Variants in ZSCAN1 observed in about 807,000 individuals in gnomAD.
ZSCAN1 encodes zinc finger and SCAN domain containing 1.
Under a neutral mutation model 23.8 loss-of-function variants are expected in ZSCAN1, and 23 were observed. That is an observed-to-expected ratio of 0.97 (90% CI 0.70 to 1.37). The LOEUF (loss-of-function observed/expected upper bound fraction) is 1.37. ZSCAN1 is among the 40% of genes most tolerant of loss of function. ZSCAN1 has a pLI of 0.00. For missense variants in ZSCAN1, 575 were observed against 554.0 expected, an observed-to-expected ratio of 1.04 and a Z score of -0.38; for synonymous variants, 236 against 232.3, an observed-to-expected ratio of 1.02 and a Z score of -0.15.
At position 58,040,656 on chromosome 19, in the gene ZSCAN1, C is replaced by T. The variant is rs1211316048; in HGVS notation, c.465+112C>T. 3 of 1,080,550 alleles carry T rather than the reference C, an allele frequency of 2.8e-6. No individual in the cohort carries two copies. In the African/African-American group the frequency reaches 4.7e-5, roughly 17 times the overall value. 66.9% of individuals were successfully genotyped at this position (1,080,550 alleles called of 1,614,324 possible). A position where few individuals can be genotyped will look rare whatever the true frequency, so the allele number is the denominator to read the frequency against. On this transcript the variant is annotated intron_variant, in intron 4 of 5. Coordinates refer to ENST00000282326, the MANE Select transcript of ZSCAN1 (RefSeq NM_182572.4). The surrounding 1 kb of genome is among the most constrained non-coding windows in gnomAD (Gnocchi z 5.8). ...GGACTGTGTGAGGTTGTCCCCAGCG[C>T]TCCCAGGAAGCCCGGCCTCCAAACT...
At chr19:58,044,810 T>A in intron 4 of ZSCAN1, 2 of 733,312 alleles carry the variant, frequency 2.7e-6, no homozygotes, top group Non-Finnish European at 5.0e-6. Flanking sequence ...TGTTGGACTC[T>A]GAGGCCCGAG....
Position 58,054,067 on chromosome 19 carries a change from C to T in ZSCAN1, c.*16C>T, listed in dbSNP as rs1599911128. The T allele has an allele frequency of 8.8e-6, 13 of 1,476,592 alleles. No homozygotes were observed. Among genetic ancestry groups the T allele is most frequent in the African/African-American group, 8.4e-5 (6 of 71,046 alleles). 91.5% of individuals were successfully genotyped at this position (1,476,592 alleles called of 1,614,324 possible). On this transcript the variant is annotated 3_prime_UTR_variant, in exon 6 of 6. Coordinates refer to ENST00000282326, the MANE Select transcript of ZSCAN1 (RefSeq NM_182572.4). This position sits in a 1 kb window ranked among gnomAD's most constrained non-coding sequence, Gnocchi z 4.2. ...CCACATGTGAATGGCCAGCCTCGGG[C>T]CTCGGCCACCCGGCCCTGAGTCCCT...
At position 58,045,976 on chromosome 19, in the gene ZSCAN1, G is replaced by C; in HGVS notation, c.465+5432G>C. The C allele has an allele frequency of 2.7e-6, 2 of 744,314 alleles. No homozygotes were observed. Among genetic ancestry groups the C allele is most frequent in the South Asian group, 3.2e-5 (2 of 62,738 alleles). 46.1% of individuals were successfully genotyped at this position (744,314 alleles called of 1,614,324 possible). A position where few individuals can be genotyped will look rare whatever the true frequency, so the allele number is the denominator to read the frequency against. On this transcript the variant is annotated intron_variant, in intron 4 of 5. Coordinates refer to ENST00000282326, the MANE Select transcript of ZSCAN1 (RefSeq NM_182572.4). This position sits in a 1 kb window ranked among gnomAD's most constrained non-coding sequence, Gnocchi z 4.3. Reference sequence around the variant, plus strand: ...GGCCAAGCTAGAGGCCACACTGCAGGAGAAGGCGACCATGCAGTAGGAGCA... The same window carrying C: ...GGCCAAGCTAGAGGCCACACTGCAGCAGAAGGCGACCATGCAGTAGGAGCA...
rs1357102501 is a variant in ZSCAN1, at chr19:58,047,056, G to A, written c.466-5434G>A. On this transcript the variant is annotated intron_variant, in intron 4 of 5. Coordinates refer to ENST00000282326, the MANE Select transcript of ZSCAN1 (RefSeq NM_182572.4). This position sits in a 1 kb window ranked among gnomAD's most constrained non-coding sequence, Gnocchi z 4.9. ...CCAAGGCAGGAAGGTGCCCCCCTGTGTGTGGCCTCACGTCTCAGTGTCTGA... is the reference window on the plus strand; with the variant it reads ...CCAAGGCAGGAAGGTGCCCCCCTGTATGTGGCCTCACGTCTCAGTGTCTGA... 6.6e-6 allele frequency among the ~76,000 whole-genome samples: 1 copy of A among 152,222 alleles called. No homozygotes were observed. The highest frequency in any genetic ancestry group is 1.9e-4 in the East Asian group (1 of 5,194).
chr19:58,047,843 G>A lies in ZSCAN1; in HGVS notation c.466-4647G>A, dbSNP rs1190243311. ...TTAGGGTTTACCCTGTGCCCTCTGG[G>A]TGGGGTGGCCTCCCTGCACTCGGCA... On this transcript the variant is annotated intron_variant, in intron 4 of 5. Transcript: ENST00000282326. The surrounding 1 kb of genome is among the most constrained non-coding windows in gnomAD (Gnocchi z 4.9). Among the ~76,000 whole-genome samples the A allele has an allele frequency of 6.6e-6, 1 of 152,220 alleles. No individual in the cohort carries two copies. Among genetic ancestry groups the A allele is most frequent in the African/African-American group, 2.4e-5 (1 of 41,464 alleles).
intron 4 of ZSCAN1, 26 bp from the exon 5 acceptor site, chr19:58,052,464 G>A (rs1389516995): frequency 9.3e-6 from 15 of 1,613,698 alleles, no homozygotes; most frequent in Middle Eastern, 1.7e-4. Flanking sequence ...GGCAGCTGCC[G>A]AACAGTCCTG....
intron 2 of ZSCAN1, among the ~76,000 whole-genome samples, chr19:58,036,987 A>G (rs2073742123): frequency 6.6e-6 from 1 of 152,090 alleles, no homozygotes. Context: ...CCCGGCCACA[A>G]AAGGTTATTT....
downstream of ZSCAN1, among the ~76,000 whole-genome samples, chr19:58,055,909 C>T (rs2073887265): frequency 6.6e-6 from 1 of 152,186 alleles, no homozygotes; most frequent in African/African-American, 2.4e-5. Context: ...AACTCATCTT[C>T]CCTTGTGCAA....
intron 4 of ZSCAN1, chr19:58,044,652 G>C: frequency 1.0e-6 from 1 of 953,152 alleles, no homozygotes. Context: ...CCGCCGCCTC[G>C]GGTCACCGCC....
At chr19:58,041,676 G>A (rs1473827960) in intron 4 of ZSCAN1, among the ~76,000 whole-genome samples, 2 of 151,560 alleles carry the variant, frequency 1.3e-5, no homozygotes, top group East Asian at 1.9e-4. Flanking sequence ...GGTCCCAGGA[G>A]TTCAAGAGCA....
rs896369530 is a variant in ZSCAN1 at position 58,045,797 on chromosome 19, C to T, written c.465+5253C>T. 1.3e-6 allele frequency: 2 copies of T among 1,559,468 alleles called. No homozygotes were observed. Among genetic ancestry groups the T allele is most frequent in the African/African-American group, 2.7e-5 (2 of 73,820 alleles). On this transcript the variant is annotated intron_variant, in intron 4 of 5. Transcript: ENST00000282326. The surrounding 1 kb of genome is among the most constrained non-coding windows in gnomAD (Gnocchi z 4.3). ...GACCTGCACCTGCATCAGGAGATCCCCACATCGCTGCTCATCCTGTCCCGG... is the reference window on the plus strand; with the variant it reads ...GACCTGCACCTGCATCAGGAGATCCTCACATCGCTGCTCATCCTGTCCCGG...
Position 58,037,861 on chromosome 19 carries a change from G to A in ZSCAN1, c.25G>A (p.Ala9Thr), listed in dbSNP as rs771492063. The change falls in exon 3 of 6, where the codon GCC becomes ACC. Residue 9 changes from alanine (A) to threonine (T), a missense_variant. By Grantham distance (58) the Ala-to-Thr change is moderately conservative (BLOSUM62 0). Transcript: ENST00000282326. MLPRPKAP[A>T]SPRRPQTPTP... ...AATGCTTCCACGGCCCAAAGCCCCT[G>A]CCTCCCCCAGACGCCCCCAGACCCC... The A allele has an allele frequency of 3.7e-5, 56 of 1,514,720 alleles. No homozygotes were observed. The highest frequency in any genetic ancestry group is 4.9e-5 in the Non-Finnish European group (56 of 1,133,880). 93.8% of individuals were successfully genotyped at this position (1,514,720 alleles called of 1,614,324 possible).
In ZSCAN1 at chr19:58,049,899, T is replaced by G. The variant is rs1347672706; in HGVS notation, c.466-2591T>G. Among the ~76,000 whole-genome samples the G allele has an allele frequency of 1.3e-5, 2 of 152,182 alleles. No individual in the cohort carries two copies. Among genetic ancestry groups the G allele is most frequent in the Non-Finnish European group, 2.9e-5 (2 of 68,026 alleles). ...TATCTCACCGGTGAGCTTTTTCTTGTGGGCATTCTCGGGTTTTTTCACTTT... is the reference window on the plus strand; with the variant it reads ...TATCTCACCGGTGAGCTTTTTCTTGGGGGCATTCTCGGGTTTTTTCACTTT... On this transcript the variant is annotated intron_variant, in intron 4 of 5. Coordinates refer to ENST00000282326, the MANE Select transcript of ZSCAN1 (RefSeq NM_182572.4). The surrounding 1 kb of genome is among the most constrained non-coding windows in gnomAD (Gnocchi z 4.5).
At chr19:58,034,983 G>A (rs1479990947) in intron 1 of ZSCAN1, among the ~76,000 whole-genome samples, 2 of 151,766 alleles carry the variant, frequency 1.3e-5, no homozygotes, top group South Asian at 2.1e-4. Flanking sequence ...CGGCATCAGC[G>A]GCAAAGCCCT....
chr19:58,045,696 GGCA>G lies in ZSCAN1; in HGVS notation c.465+5153_465+5155del. ...GCCTGAACGTCAAGGAGCTGCAGGC[GGCA>G]TGTCGGGCACGAGGCATGCGGGCCC... On this transcript the variant is annotated intron_variant, in intron 4 of 5. Transcript: ENST00000282326. The surrounding 1 kb of genome is among the most constrained non-coding windows in gnomAD (Gnocchi z 4.3). 1.1e-6 allele frequency: 1 copy of G among 941,582 alleles called. No individual in the cohort carries two copies. Among genetic ancestry groups the G allele is most frequent in the Non-Finnish European group, 1.7e-6 (1 of 571,436 alleles). The allele number at this position is 941,582 out of a possible 1,614,324, so 58.3% of individuals were successfully genotyped here. A position where few individuals can be genotyped will look rare whatever the true frequency, so the allele number is the denominator to read the frequency against.
chr19:58,046,080 G>T, intron 4 of ZSCAN1: 3 of 682,474 alleles, frequency 4.4e-6, no homozygotes, highest in South Asian at 1.7e-5. Context: ...CTCCCCAAAG[G>T]CCAGGGGCCC....
At chr19:58,046,509 T>C in intron 4 of ZSCAN1, 1 of 910,300 alleles carries the variant, frequency 1.1e-6, no homozygotes, top group Middle Eastern at 2.1e-4. Flanking sequence ...ACGTCATCAG[T>C]GTTGCCGAGC....
At position 58,045,065 on chromosome 19, in the gene ZSCAN1, G is replaced by A. The variant is rs1156870015; in HGVS notation, c.465+4521G>A. The A allele has an allele frequency of 3.5e-6, 4 of 1,139,134 alleles. No homozygotes were observed. Among genetic ancestry groups the A allele is most frequent in the Non-Finnish European group, 5.3e-6 (4 of 750,698 alleles). 70.6% of individuals were successfully genotyped at this position (1,139,134 alleles called of 1,614,324 possible). On this transcript the variant is annotated intron_variant, in intron 4 of 5. Coordinates refer to ENST00000282326, the MANE Select transcript of ZSCAN1 (RefSeq NM_182572.4). The surrounding 1 kb of genome is among the most constrained non-coding windows in gnomAD (Gnocchi z 4.3). ...CGGGGGCAGAGAGGGTGCTGGGCGA[G>A]CTGAGGCACTACTACCATGGCTTCC...
rs539870857 is a variant in ZSCAN1, at chr19:58,047,615, G to A, written c.466-4875G>A. On this transcript the variant is annotated intron_variant, in intron 4 of 5. Coordinates refer to ENST00000282326, the MANE Select transcript of ZSCAN1 (RefSeq NM_182572.4). This position sits in a 1 kb window ranked among gnomAD's most constrained non-coding sequence, Gnocchi z 4.9. ...GGGATGAGCCTGGCTCGGGTTGGTG[G>A]GGCTCTGAAGCACATTTGGGGTTCT... is the stretch of plus-strand genomic sequence containing the variant. Among the ~76,000 whole-genome samples the A allele has an allele frequency of 2.0e-4, 31 of 152,314 alleles. 1 individual carries two copies. In the Middle Eastern group the frequency reaches 0.01, roughly 50 times the overall value.
Sources: allele counts gnomAD v4.1 joint callset (sites outside exome capture counted in the v4.1 genomes callset), GRCh38; gene constraint gnomAD v4.1.1; non-coding constraint Gnocchi (gnomAD v3.1); transcripts MANE v1.5; gene names NCBI Gene and HGNC (gene_info 2026-07-23, HGNC 2026-07-21).